The following DTNBP1 variants were observed in gnomAD, a reference collection of about 807,000 sequenced individuals.
DTNBP1 encodes dysbindin.
DTNBP1 carries 35 observed loss-of-function variants against 42.8 expected under a neutral mutation model. That is an observed-to-expected ratio of 0.82 (90% CI 0.63 to 1.09). The LOEUF (loss-of-function observed/expected upper bound fraction) is 1.09, where lower values mean the gene tolerates loss of function less well. Among genes scored for constraint, DTNBP1 ranks in the 50% least tolerant of loss-of-function variants. DTNBP1 has a pLI of 0.00. For synonymous variants in DTNBP1, 171 were observed against 162.2 expected (o/e 1.05, Z -0.41); for missense variants, 457 against 424.2 (o/e 1.08, Z -0.68).
At chr6:15,613,359 T>TC (rs1304072084) in intron 6 of DTNBP1, among the ~76,000 whole-genome samples, 47,028 of 59,728 alleles carry the variant, frequency 0.79, 20,485 homozygotes, top group East Asian at 0.9. Flanking sequence ...CGGACCCCAT[T>TC]TTTTTTTTTT....
chr6:15,547,532 A>G (rs1773952389), intron 7 of DTNBP1, among the ~76,000 whole-genome samples: 1 of 152,222 alleles, frequency 6.6e-6, no homozygotes, highest in African/African-American at 2.4e-5. Context: ...CAATCCATAG[A>G]AATGACGGAA....
At chr6:15,529,050 C>A (rs1003055820) in intron 8 of DTNBP1, among the ~76,000 whole-genome samples, 1 of 152,178 alleles carries the variant, frequency 6.6e-6, no homozygotes, top group Non-Finnish European at 1.5e-5. Context: ...TCTGGGAGGC[C>A]CAGGTGGGAG....
intron 6 of DTNBP1, among the ~76,000 whole-genome samples, chr6:15,600,499 C>G (rs145958146): frequency 2.6e-5 from 4 of 151,966 alleles, no homozygotes; most frequent in Non-Finnish European, 5.9e-5. Flanking sequence ...TTTATCTTGA[C>G]GATCAGAAAT....
rs1172824696 is a variant in DTNBP1, at chr6:15,651,339, G to A, written c.135C>T (p.Tyr45=). The A allele has an allele frequency of 3.7e-6, 6 of 1,610,832 alleles. No individual in the cohort carries two copies. The South Asian group carries it at 5.5e-5, about 15-fold the overall frequency. The part of the protein sequence containing the change: ...KPRTVPFLPK[Y]SAGLELLSRY... ...TGCTAAGTAATTCTAATCCAGCAGA[G>A]TACTTTGGCAAAAATGGAACAGTCC... Residue 45 remains tyrosine (Y), a synonymous_variant, in exon 3 of 10, where the codon TAC becomes TAT. Transcript: ENST00000344537.
At chr6:15,634,744 C>T (rs750414971) in intron 4 of DTNBP1, among the ~76,000 whole-genome samples, 10 of 152,188 alleles carry the variant, frequency 6.6e-5, no homozygotes, top group African/African-American at 7.2e-5. Flanking sequence ...AATGCTTGAA[C>T]GCTGATAATC....
At chr6:15,558,809 A>G (rs750248705) in intron 7 of DTNBP1, among the ~76,000 whole-genome samples, 5 of 152,150 alleles carry the variant, frequency 3.3e-5, no homozygotes, top group African/African-American at 9.7e-5. Flanking sequence ...AGCTATTTAC[A>G]GTTTTTATTA....
chr6:15,633,201 T>C (rs1011313), intron 4 of DTNBP1, among the ~76,000 whole-genome samples: 139,831 of 152,292 alleles, frequency 0.92, 64,313 homozygotes, highest in African/African-American at 0.96. Context: ...TGCCCACTAA[T>C]GCAACATCCA....
At chr6:15,593,802 A>G (rs578079088) in intron 6 of DTNBP1, among the ~76,000 whole-genome samples, 4 of 152,240 alleles carry the variant, frequency 2.6e-5, no homozygotes, top group Non-Finnish European at 4.4e-5. Flanking sequence ...TATCAGTACT[A>G]ATGAGTAATT....
At chr6:15,567,181 G>A (rs1775131462) in intron 7 of DTNBP1, among the ~76,000 whole-genome samples, 1 of 152,042 alleles carries the variant, frequency 6.6e-6, no homozygotes, top group African/African-American at 2.4e-5. Context: ...TGGGCTGAGT[G>A]CAGGGGCTCA....
At chr6:15,530,270 A>G (rs1284970077) in intron 8 of DTNBP1, among the ~76,000 whole-genome samples, 1 of 152,212 alleles carries the variant, frequency 6.6e-6, no homozygotes, top group Non-Finnish European at 1.5e-5. Flanking sequence ...CCGGCTCTGC[A>G]CAGACGTGCG....
chr6:15,653,207 A>G (rs554313148), intron 1 of DTNBP1, among the ~76,000 whole-genome samples: 1 of 152,342 alleles, frequency 6.6e-6, no homozygotes, highest in African/African-American at 2.4e-5. Flanking sequence ...GATTTTGTAT[A>G]TCTCATTTAA....
chr6:15,534,650 ACT>A (rs1427844703), intron 7 of DTNBP1, among the ~76,000 whole-genome samples: 6 of 95,052 alleles, frequency 6.3e-5, no homozygotes, highest in Non-Finnish European at 8.4e-5. Context: ...ACAGAGCGAG[ACT>A]CTGTCTCAAA....
chr6:15,568,779 GCTTT>G (rs1434711255), intron 7 of DTNBP1, among the ~76,000 whole-genome samples: 3 of 152,082 alleles, frequency 2.0e-5, no homozygotes, highest in African/African-American at 7.2e-5. Flanking sequence ...TCTCTAGCTT[GCTTT>G]ATTGTGAGAA....
chr6:15,607,641 A>G (rs2113676109), intron 6 of DTNBP1, among the ~76,000 whole-genome samples: 1 of 152,302 alleles, frequency 6.6e-6, no homozygotes, highest in African/African-American at 2.4e-5. Flanking sequence ...AACCTTTAGC[A>G]CGCTGATGCA....
intron 5 of DTNBP1, among the ~76,000 whole-genome samples, chr6:15,624,594 G>A (rs1324202380): frequency 6.6e-6 from 1 of 152,212 alleles, no homozygotes; most frequent in Non-Finnish European, 1.5e-5. Flanking sequence ...CCAAAAGAGT[G>A]AAGCAGCCTG....
intron 6 of DTNBP1, chr6:15,595,058 G>A (rs1776454882): frequency 2.2e-6 from 1 of 454,708 alleles, no homozygotes; most frequent in Non-Finnish European, 4.4e-6. Flanking sequence ...CTGTGAAGAG[G>A]ACAAGCCCAG....
chr6:15,609,810 T>G (rs1196903171), intron 6 of DTNBP1, among the ~76,000 whole-genome samples: 1 of 152,144 alleles, frequency 6.6e-6, no homozygotes, highest in African/African-American at 2.4e-5. Context: ...TTATGCAGAG[T>G]GTGGGCTCAG....
At chr6:15,537,614 C>T (rs750519668) in intron 7 of DTNBP1, among the ~76,000 whole-genome samples, 17 of 152,098 alleles carry the variant, frequency 1.1e-4, no homozygotes, top group Non-Finnish European at 2.5e-4. Flanking sequence ...AATCCCTACG[C>T]TGAGGAAGGG....
chr6:15,594,580 T>A lies in DTNBP1; in HGVS notation c.489-1499A>T, dbSNP rs538396447. Among the ~76,000 whole-genome samples the A allele has an allele frequency of 1.3e-4, 20 of 152,194 alleles. No homozygotes were observed. In the South Asian group the frequency reaches 3.7e-3, roughly 28 times the overall value. On this transcript the variant is annotated intron_variant, in intron 6 of 9. Coordinates refer to ENST00000344537, the MANE Select transcript of DTNBP1 (RefSeq NM_032122.5). Reference sequence around the variant, plus strand: ...AGCTTAGCTAGGTACAAGCTAAATATGCCTAAAACCTGCTTTATACCCCGA... The same window carrying A: ...AGCTTAGCTAGGTACAAGCTAAATAAGCCTAAAACCTGCTTTATACCCCGA...
Sources: gnomAD v4.1 joint callset for allele counts (sites outside exome capture counted in the v4.1 genomes callset) on GRCh38, gnomAD v4.1.1 for gene constraint, MANE v1.5 for transcripts, NCBI Gene and HGNC (gene_info 2026-07-23, HGNC 2026-07-21) for gene names.